VRK2: variants seen among roughly 807,000 people sequenced by gnomAD.
VRK2 encodes VRK serine/threonine kinase 2, also known as serine/threonine-protein kinase VRK2.
In VRK2, 60 loss-of-function variants were observed where a neutral mutation model predicts 57.6. That is an observed-to-expected ratio of 1.04 (90% confidence interval 0.85 to 1.29). The LOEUF (loss-of-function observed/expected upper bound fraction) is 1.29. Ranked by LOEUF, VRK2 falls within the 50% of genes most tolerant of loss-of-function variation. The pLI, the probability that VRK2 is intolerant of heterozygous loss-of-function variation, is 0.00. For synonymous variants in VRK2, 231 were observed against 199.2 expected (o/e 1.16, Z -1.35); for missense variants, 705 against 588.1 (o/e 1.20, Z -2.06).
chr2:58,136,818 ATATG>A (rs1452223854), intron 10 of VRK2, among the ~76,000 whole-genome samples: 58 of 143,952 alleles, frequency 4.0e-4, no homozygotes, highest in Non-Finnish European at 5.7e-4. Context: ...TATATATCAT[ATATG>A]TGTGTATATA....
chr2:57,983,700 C>T (rs1421026990), intron 1 of VRK2, among the ~76,000 whole-genome samples: 1 of 152,114 alleles, frequency 6.6e-6, no homozygotes, highest in African/African-American at 2.4e-5. Flanking sequence ...GTATACAATG[C>T]TGCACAAAAA....
chr2:58,085,329 A>G (rs1411401606), intron 4 of VRK2, among the ~76,000 whole-genome samples: 2 of 151,914 alleles, frequency 1.3e-5, no homozygotes, highest in African/African-American at 4.8e-5. Flanking sequence ...ATATATGTAT[A>G]AAAAAAGAAC....
intron 1 of VRK2, among the ~76,000 whole-genome samples, chr2:57,947,844 C>T (rs1671308219): frequency 6.6e-6 from 1 of 152,180 alleles, no homozygotes; most frequent in African/African-American, 2.4e-5. Flanking sequence ...TTATATCATT[C>T]TCGTAACATT....
intron 2 of VRK2, among the ~76,000 whole-genome samples, chr2:58,030,707 T>C (rs10171675): frequency 0.095 from 14,479 of 152,048 alleles, 2,295 homozygotes; most frequent in African/African-American, 0.33. Context: ...TTCTTAAGTC[T>C]GGGTGGGCTT....
At chr2:57,984,929 A>T (rs1672548139) in intron 1 of VRK2, among the ~76,000 whole-genome samples, 1 of 152,014 alleles carries the variant, frequency 6.6e-6, no homozygotes, top group Non-Finnish European at 1.5e-5. Context: ...ATAGGAATGA[A>T]CATTTTTAAA....
intron 1 of VRK2, among the ~76,000 whole-genome samples, chr2:58,023,754 G>C (rs1414103198): frequency 1.3e-5 from 2 of 152,110 alleles, no homozygotes; most frequent in East Asian, 3.9e-4. Flanking sequence ...TCTGTTTCTA[G>C]GCCTTTAAGA....
intron 11 of VRK2, 34 bp from the exon 12 acceptor site, chr2:58,146,282 T>A: frequency 6.5e-7 from 1 of 1,530,764 alleles, no homozygotes; most frequent in Admixed American, 2.1e-5. Context: ...CCAAAAGTTT[T>A]CATTATATAT....
chr2:58,156,585 T>G (rs904346060), intron 12 of VRK2, among the ~76,000 whole-genome samples: 2 of 125,678 alleles, frequency 1.6e-5, no homozygotes, highest in African/African-American at 9.1e-5. Context: ...TGGTGTTTTT[T>G]TTGTTTTGTT....
At chr2:58,032,188 T>C (rs1290900992) in intron 2 of VRK2, among the ~76,000 whole-genome samples, 2 of 152,144 alleles carry the variant, frequency 1.3e-5, no homozygotes, top group African/African-American at 4.8e-5. Context: ...GCTTACTTTT[T>C]ACTCATACTT....
intron 3 of VRK2, 74 bp downstream of exon 3, chr2:58,084,212 C>T (rs371297361): frequency 3.4e-6 from 5 of 1,472,866 alleles, no homozygotes; most frequent in East Asian, 2.4e-5. Context: ...ATGTTTTTCA[C>T]GTTAATTTTT....
chr2:57,935,156 T>A (rs1243825525), intron 1 of VRK2, among the ~76,000 whole-genome samples: 1 of 152,204 alleles, frequency 6.6e-6, no homozygotes, highest in Non-Finnish European at 1.5e-5. Flanking sequence ...TTTCTTGAGG[T>A]CTTGCATTGC....
At chr2:58,094,853 G>A (rs1041744896) in intron 7 of VRK2, among the ~76,000 whole-genome samples, 1 of 151,978 alleles carries the variant, frequency 6.6e-6, no homozygotes, top group Non-Finnish European at 1.5e-5. Context: ...AACAATACTA[G>A]CCATAAATAC....
At chr2:57,907,875 C>G (rs908731) in intron 1 of VRK2, 97,434 of 151,688 alleles carry the variant, frequency 0.64, 31,620 homozygotes, top group African/African-American at 0.75. Flanking sequence ...GCGAATGTCT[C>G]GATTTCTTTT....
chr2:58,048,996 T>C (rs1363984068), intron 2 of VRK2, 29 bp downstream of exon 2: 1 of 1,604,706 alleles, frequency 6.2e-7, no homozygotes, highest in Non-Finnish European at 8.5e-7. Flanking sequence ...TTAACAATTA[T>C]TCTTATATCT....
chr2:58,076,855 T>A (rs1327729429), intron 2 of VRK2, among the ~76,000 whole-genome samples: 1 of 152,000 alleles, frequency 6.6e-6, no homozygotes, highest in Non-Finnish European at 1.5e-5. Context: ...ATTTTGTAAC[T>A]TTTAATTTTT....
intron 1 of VRK2, among the ~76,000 whole-genome samples, chr2:57,926,502 A>AGT (rs1348359920): frequency 2.0e-5 from 3 of 149,322 alleles, no homozygotes; most frequent in African/African-American, 7.4e-5. Context: ...ATATATATAT[A>AGT]GTGTGTGTAT....
chr2:58,054,658 T>G (rs1301604937), intron 2 of VRK2, among the ~76,000 whole-genome samples: 1 of 152,158 alleles, frequency 6.6e-6, no homozygotes, highest in Non-Finnish European at 1.5e-5. Context: ...TTAAGAAACT[T>G]TAAAGCTCTA....
At chr2:57,990,929 G>C (rs566405226) in intron 1 of VRK2, among the ~76,000 whole-genome samples, 2 of 151,710 alleles carry the variant, frequency 1.3e-5, no homozygotes, top group East Asian at 3.9e-4. Context: ...CAAACCATAT[G>C]TTAAGTTTAT....
At chr2:58,154,277 T>G (rs7602087) in intron 12 of VRK2, among the ~76,000 whole-genome samples, 5,468 of 152,114 alleles carry the variant, frequency 0.036, 335 homozygotes, top group African/African-American at 0.13. Context: ...GCCAATGTTA[T>G]TGATTTCTGC....
Sources: gnomAD v4.1 joint callset for allele counts (sites outside exome capture counted in the v4.1 genomes callset) on GRCh38, gnomAD v4.1.1 for gene constraint, MANE v1.5 for transcripts, NCBI Gene and HGNC (gene_info 2026-07-23, HGNC 2026-07-21) for gene names.